The following TRABD2B variants were observed in gnomAD, a reference collection of about 807,000 sequenced individuals.
The protein encoded by TRABD2B is TraB domain containing 2B.
TRABD2B carries 14 observed loss-of-function variants against 40.1 expected under a neutral mutation model. That is an observed-to-expected ratio of 0.35 (90% CI 0.23 to 0.55). The LOEUF (loss-of-function observed/expected upper bound fraction) is 0.55. Among genes scored for constraint, TRABD2B ranks in the 20% least tolerant of loss-of-function variants. The pLI is 0.90. For missense variants in TRABD2B, 541 were observed against 648.6 expected, an observed-to-expected ratio of 0.83 and a Z score of 1.80; for synonymous variants, 263 against 277.0, an observed-to-expected ratio of 0.95 and a Z score of 0.50.
At chr1:47,766,708 G>C (rs1010211216) in intron 6 of TRABD2B, among the ~76,000 whole-genome samples, 2 of 152,192 alleles carry the variant, frequency 1.3e-5, no homozygotes, top group Non-Finnish European at 2.9e-5. Context: ...TGTGGTGGCT[G>C]GCGGGGAGGC....
intron 2 of TRABD2B, among the ~76,000 whole-genome samples, chr1:47,983,712 A>C (rs1007517781): frequency 2.0e-5 from 3 of 150,996 alleles, no homozygotes; most frequent in Non-Finnish European, 4.4e-5. Flanking sequence ...TCTGAAGCAA[A>C]TCCAGTTCCC....
At chr1:47,785,977 C>T (rs570204649) in intron 4 of TRABD2B, among the ~76,000 whole-genome samples, 6 of 152,336 alleles carry the variant, frequency 3.9e-5, no homozygotes, top group African/African-American at 1.4e-4. Flanking sequence ...CCCTCGACCC[C>T]AGTGGCTCTA....
chr1:47,872,772 G>A (rs960117781), intron 2 of TRABD2B, among the ~76,000 whole-genome samples: 4 of 152,158 alleles, frequency 2.6e-5, no homozygotes, highest in African/African-American at 9.7e-5. Flanking sequence ...AGACTGGGTT[G>A]GTGGGGAAGG....
At position 47,906,959 on chromosome 1, in the gene TRABD2B, C is replaced by G. The variant is rs182666293; in HGVS notation, c.666+87075G>C. Among the ~76,000 whole-genome samples the G allele has an allele frequency of 2.0e-5, 3 of 152,358 alleles. No homozygotes were observed. The East Asian group carries it at 5.8e-4, about 29-fold the overall frequency. On this transcript the variant is annotated intron_variant, in intron 2 of 6. Transcript: ENST00000606738. The stretch of plus-strand genomic sequence containing the variant: ...AAACACAGTGCCTGCCCAGTTTCAG[C>G]CCCTTCCCCGGACAGTGATGGCCTG...
intron 2 of TRABD2B, among the ~76,000 whole-genome samples, chr1:47,810,949 G>A (rs1284299082): frequency 6.6e-6 from 1 of 152,222 alleles, no homozygotes; most frequent in East Asian, 1.9e-4. Flanking sequence ...AGGACAAGGC[G>A]GGAGCCTAGG....
chr1:47,951,047 G>A (rs1196778831), intron 2 of TRABD2B, among the ~76,000 whole-genome samples: 4 of 152,316 alleles, frequency 2.6e-5, no homozygotes, highest in Admixed American at 1.3e-4. Flanking sequence ...GAGATCTGGA[G>A]GTCACAGGGG....
At chr1:47,877,972 C>A (rs1285745427) in intron 2 of TRABD2B, among the ~76,000 whole-genome samples, 3 of 151,300 alleles carry the variant, frequency 2.0e-5, no homozygotes, top group Non-Finnish European at 4.4e-5. Flanking sequence ...ACTCTGCACT[C>A]CAGCCTGGGC....
At chr1:47,936,244 C>T (rs571461711) in intron 2 of TRABD2B, among the ~76,000 whole-genome samples, 1 of 152,336 alleles carries the variant, frequency 6.6e-6, no homozygotes, top group South Asian at 2.1e-4. Context: ...CATGAATTGA[C>T]TTCTTCATCA....
chr1:47,875,960 A>G (rs1235234823), intron 2 of TRABD2B, among the ~76,000 whole-genome samples: 1 of 152,228 alleles, frequency 6.6e-6, no homozygotes, highest in Non-Finnish European at 1.5e-5. Flanking sequence ...GCATCAGCAC[A>G]TGATGTATAT....
At chr1:47,825,745 C>A (rs1046868740) in intron 2 of TRABD2B, among the ~76,000 whole-genome samples, 1 of 141,850 alleles carries the variant, frequency 7.0e-6, no homozygotes. Context: ...TCAGGGTGGG[C>A]ACTGAGCCGG....
intron 4 of TRABD2B, among the ~76,000 whole-genome samples, chr1:47,792,112 AG>A (rs1644681620): frequency 6.6e-6 from 1 of 152,226 alleles, no homozygotes; most frequent in Admixed American, 6.5e-5. Flanking sequence ...AGCTGCCAGC[AG>A]GATCTGCACG....
In TRABD2B at chr1:47,996,726, G is replaced by A; in HGVS notation, c.64C>T (p.Gln22Ter). 1 of 1,227,250 alleles carries A rather than the reference G, an allele frequency of 8.1e-7. No individual in the cohort carries two copies. The highest frequency in any genetic ancestry group is 1.0e-6 in the Non-Finnish European group (1 of 984,162). The allele number at this position is 1,227,250 out of a possible 1,614,324, so 76.0% of individuals were successfully genotyped here. The change falls in exon 1 of 7, where the codon CAG becomes TAG. Residue 22 changes from glutamine to a stop codon, truncating the protein, a stop_gained. Coordinates refer to ENST00000606738, the MANE Select transcript of TRABD2B (RefSeq NM_001194986.2). LOFTEE classifies it high-confidence loss of function. This position sits in a 1 kb window ranked among gnomAD's most constrained non-coding sequence, Gnocchi z 4.6. Reference sequence around the variant, plus strand: ...CGGCACTGTCCTCCGTCCGGGGGCTGCGGGCGGGCGCGAGCGGTGGCGAGG... The same window carrying A: ...CGGCACTGTCCTCCGTCCGGGGGCTACGGGCGGGCGCGAGCGGTGGCGAGG... ...ALLATARARP[Q>*]PPDGGQCRPP... is the part of the protein sequence containing the mutation.
intron 4 of TRABD2B, among the ~76,000 whole-genome samples, chr1:47,787,862 A>C (rs1644617807): frequency 6.6e-6 from 1 of 152,156 alleles, no homozygotes; most frequent in Admixed American, 6.6e-5. Flanking sequence ...GACTGGGAGC[A>C]TGAGAGAGGC....
chr1:47,794,491 C>T (rs755055519), intron 4 of TRABD2B, 95 bp downstream of exon 4: 178 of 1,363,302 alleles, frequency 1.3e-4, no homozygotes, highest in Middle Eastern at 3.7e-4. Context: ...CCATCCTGGG[C>T]CTCGACTTCT....
chr1:47,778,707 G>A (rs1276383664), intron 4 of TRABD2B, among the ~76,000 whole-genome samples, 163 bp from the exon 5 acceptor site: 1 of 152,190 alleles, frequency 6.6e-6, no homozygotes, highest in African/African-American at 2.4e-5. Flanking sequence ...GTAAGACATG[G>A]TCCTGGTGCC....
intron 2 of TRABD2B, among the ~76,000 whole-genome samples, chr1:47,853,213 C>T (rs890485953): frequency 6.6e-5 from 10 of 152,200 alleles, no homozygotes; most frequent in African/African-American, 2.4e-4. Context: ...GTTGAGCAAA[C>T]ACATATCCCT....
Position 47,805,742 on chromosome 1 carries a change from A to C in TRABD2B, c.667-4123T>G, listed in dbSNP as rs13376389. On this transcript the variant is annotated intron_variant, in intron 2 of 6. Coordinates refer to ENST00000606738, the MANE Select transcript of TRABD2B (RefSeq NM_001194986.2). ...TATTGAGCACTTACTATGTGTCAGG[A>C]ACTTTCTAAACTCATGTTCATTTAT... 6.4e-3 allele frequency among the ~76,000 whole-genome samples: 970 copies of C among 152,254 alleles called. 12 individuals are homozygous for C. The highest frequency in any genetic ancestry group is 0.022 in the African/African-American group (912 of 41,548).
intron 3 of TRABD2B, 61 bp from the exon 4 acceptor site, chr1:47,794,821 G>C (rs1276224961): frequency 1.5e-6 from 2 of 1,368,800 alleles, no homozygotes; most frequent in Non-Finnish European, 1.9e-6. Context: ...TTGATAAAGG[G>C]TGTTACTGTC....
chr1:47,783,302 C>T (rs984367371), intron 4 of TRABD2B, among the ~76,000 whole-genome samples: 2 of 150,876 alleles, frequency 1.3e-5, no homozygotes, highest in Admixed American at 1.3e-4. Context: ...AAGGACAGGA[C>T]AAAGAGATAC....
Sources: gnomAD v4.1 joint callset for allele counts (sites outside exome capture counted in the v4.1 genomes callset) on GRCh38, gnomAD v4.1.1 for gene constraint, Gnocchi (gnomAD v3.1) non-coding constraint, MANE v1.5 for transcripts, NCBI Gene and HGNC (gene_info 2026-07-23, HGNC 2026-07-21) for gene names.